The following NOCT variants were observed in gnomAD, a reference collection of about 807,000 sequenced individuals.
NOCT encodes the protein nocturnin, also known as CCR4 carbon catabolite repression 4-like.
A neutral mutation model predicts 35.0 loss-of-function variants in NOCT; 18 were observed. The observed-to-expected ratio is 0.51, with a 90% CI of 0.36 to 0.76. NOCT has a LOEUF of 0.76. Ranked by LOEUF, NOCT falls within the 30% of genes least tolerant of loss-of-function variation. The pLI, the probability that NOCT is intolerant of heterozygous loss-of-function variation, is 0.01. For missense variants in NOCT, 479 were observed against 541.0 expected, an observed-to-expected ratio of 0.89 and a Z score of 1.14; for synonymous variants, 235 against 226.3, an observed-to-expected ratio of 1.04 and a Z score of -0.34.
intron 1 of NOCT, among the ~76,000 whole-genome samples, chr4:139,016,653 T>G (rs1160434521): frequency 9.0e-5 from 11 of 122,172 alleles, no homozygotes; most frequent in South Asian, 2.9e-4. Flanking sequence ...TTTTTTTTTT[T>G]TTTTTTTTTT....
chr4:139,044,400 A>G (rs558868588), intron 2 of NOCT, among the ~76,000 whole-genome samples: 1 of 152,346 alleles, frequency 6.6e-6, no homozygotes, highest in African/African-American at 2.4e-5. Context: ...GTAAGATCTT[A>G]ATATCCTGGA....
chr4:139,041,711 C>T (rs1010510598), intron 1 of NOCT, among the ~76,000 whole-genome samples: 2 of 152,160 alleles, frequency 1.3e-5, no homozygotes, highest in African/African-American at 2.4e-5. Flanking sequence ...GAAATGTGGG[C>T]AACTCATGAG....
In NOCT at chr4:139,044,823, G is replaced by T. The variant is rs138904656; in HGVS notation, c.645G>T (p.Thr215=). 68 of 1,614,164 alleles carry T rather than the reference G, an allele frequency of 4.2e-5. No individual in the cohort carries two copies. Among genetic ancestry groups the T allele is most frequent in the Non-Finnish European group, 5.7e-5 (67 of 1,180,032 alleles). The change falls in exon 3 of 3, where the codon ACG becomes ACT. Residue 215 remains threonine, a synonymous_variant. Coordinates refer to ENST00000280614, the MANE Select transcript of NOCT (RefSeq NM_012118.4). Reference sequence around the variant, plus strand: ...TCAGTAGACTAGGCTATCAAGGCACGTTTTTCCCCAAACCCTGGTCACCTT... The same window carrying T: ...TCAGTAGACTAGGCTATCAAGGCACTTTTTTCCCCAAACCCTGGTCACCTT... ...PLLSRLGYQG[T]FFPKPWSPCL...
chr4:139,022,358 G>A (rs1478664804), intron 1 of NOCT, among the ~76,000 whole-genome samples: 1 of 152,120 alleles, frequency 6.6e-6, no homozygotes. Context: ...TTCAGTGTCA[G>A]GTATGTGGGC....
At chr4:139,029,358 C>G (rs1015385435) in intron 1 of NOCT, among the ~76,000 whole-genome samples, 3 of 152,186 alleles carry the variant, frequency 2.0e-5, no homozygotes, top group Admixed American at 6.5e-5. Context: ...TATTAGTAAA[C>G]AGTGGAGCCA....
chr4:139,017,719 T>A (rs946210942), intron 1 of NOCT, among the ~76,000 whole-genome samples: 2 of 151,470 alleles, frequency 1.3e-5, no homozygotes, highest in Admixed American at 1.3e-4. Flanking sequence ...CACTTGAACC[T>A]GGGAGGCGGA....
At chr4:139,029,331 TA>T (rs1441198425) in intron 1 of NOCT, among the ~76,000 whole-genome samples, 2 of 152,254 alleles carry the variant, frequency 1.3e-5, no homozygotes, top group African/African-American at 2.4e-5. Flanking sequence ...GAGAGGTAAA[TA>T]AGTTATTCAG....
intron 1 of NOCT, among the ~76,000 whole-genome samples, chr4:139,022,436 T>C (rs565799989): frequency 6.6e-6 from 1 of 152,268 alleles, no homozygotes; most frequent in South Asian, 2.1e-4. Context: ...CTTATAACAA[T>C]TTTTTTCTCC....
rs1385831926 is a variant in NOCT at position 139,045,036 on chromosome 4, T to C, written c.858T>C (p.His286=). Residue 286 remains histidine, a synonymous_variant, in exon 3 of 3, where the codon CAT becomes CAC. Transcript: ENST00000280614. The part of the protein sequence containing the change: ...SGRQFCIAVT[H]LKARTGWERF... ...GACAGTTCTGCATCGCTGTTACCCA[T>C]CTAAAAGCACGCACTGGCTGGGAGC... 1.9e-6 allele frequency: 3 copies of C among 1,614,042 alleles called. No homozygotes were observed. Among genetic ancestry groups the C allele is most frequent in the African/African-American group, 2.7e-5 (2 of 74,912 alleles).
At position 139,043,118 on chromosome 4, in the gene NOCT, G is replaced by T; in HGVS notation, c.235G>T (p.Ala79Ser). ...TACAAGCAGACTCTATAGTGCTCTC[G>T]CCAAGACACTGAACAGCAGCGCTGC... ...TGTSRLYSAL[A>S]KTLNSSAASQ... Residue 79 changes from alanine to serine, a missense_variant, in exon 2 of 3, where the codon GCC becomes TCC. Physicochemically the swap from Ala to Ser is moderately conservative, Grantham distance 99. Coordinates refer to ENST00000280614, the MANE Select transcript of NOCT (RefSeq NM_012118.4). The T allele has an allele frequency of 1.9e-6, 3 of 1,613,714 alleles. No homozygotes were observed. Among genetic ancestry groups the T allele is most frequent in the Non-Finnish European group, 2.5e-6 (3 of 1,179,764 alleles).
At chr4:139,019,685 G>A (rs1192405834) in intron 1 of NOCT, among the ~76,000 whole-genome samples, 1 of 152,140 alleles carries the variant, frequency 6.6e-6, no homozygotes, top group Non-Finnish European at 1.5e-5. Context: ...TCCCTTTGGA[G>A]TTATCAGATT....
chr4:139,029,329 A>G (rs1726582038), intron 1 of NOCT, among the ~76,000 whole-genome samples: 1 of 152,262 alleles, frequency 6.6e-6, no homozygotes, highest in Admixed American at 6.5e-5. Flanking sequence ...CAGAGAGGTA[A>G]ATAAGTTATT....
chr4:139,021,479 G>C (rs563598567), intron 1 of NOCT, among the ~76,000 whole-genome samples: 1 of 151,930 alleles, frequency 6.6e-6, no homozygotes, highest in Non-Finnish European at 1.5e-5. Context: ...TGAGCTGGGC[G>C]TGGTGGCACG....
rs576043252 is a variant in NOCT at position 139,041,972 on chromosome 4, A to G, written c.191-1102A>G. Among the ~76,000 whole-genome samples the G allele has an allele frequency of 2.3e-4, 35 of 152,226 alleles. No individual in the cohort carries two copies. In the South Asian group the frequency reaches 4.2e-3, roughly 18 times the overall value. On this transcript the variant is annotated intron_variant, in intron 1 of 2. Transcript: ENST00000280614. ...AGGGATCTGTATAGATGAGATGACC[A>G]GCGTAGCAAGCAGCCTGCTATTACC...
At chr4:139,036,963 C>A (rs188155960) in intron 1 of NOCT, among the ~76,000 whole-genome samples, 1 of 152,138 alleles carries the variant, frequency 6.6e-6, no homozygotes, top group Non-Finnish European at 1.5e-5. Flanking sequence ...CTGTCTAGAA[C>A]GAGGGTGGAT....
intron 1 of NOCT, among the ~76,000 whole-genome samples, chr4:139,026,390 C>A (rs1032127247): frequency 1.3e-5 from 2 of 152,120 alleles, no homozygotes; most frequent in Non-Finnish European, 2.9e-5. Flanking sequence ...CATGAGCCAC[C>A]GCCCCTGGCC....
rs1468506111 is a variant in NOCT, at chr4:139,016,016, T to G, written c.35T>G (p.Leu12Arg). ...FHSPRRLCSALLQRDAPGLRR... is the reference protein window; with the variant it reads ...FHSPRRLCSARLQRDAPGLRR... Reference sequence around the variant, plus strand: ...AGTCCGCGGCGGCTCTGCTCGGCCCTGCTGCAGAGGGACGCGCCCGGCCTG... The same window carrying G: ...AGTCCGCGGCGGCTCTGCTCGGCCCGGCTGCAGAGGGACGCGCCCGGCCTG... The change falls in exon 1 of 3, where the codon CTG becomes CGG. Residue 12 changes from leucine to arginine, a missense_variant. This residue lies in a region of NOCT where 265 missense variants were observed against 257.0 expected (regional missense o/e 1.03). Coordinates refer to ENST00000280614, the MANE Select transcript of NOCT (RefSeq NM_012118.4). 3.6e-6 allele frequency: 5 copies of G among 1,397,302 alleles called. No homozygotes were observed. Among genetic ancestry groups the G allele is most frequent in the Non-Finnish European group, 4.6e-6 (5 of 1,077,156 alleles). 86.6% of individuals were successfully genotyped at this position (1,397,302 alleles called of 1,614,324 possible).
chr4:139,026,054 A>G (rs1726510022), intron 1 of NOCT, among the ~76,000 whole-genome samples: 1 of 152,210 alleles, frequency 6.6e-6, no homozygotes, highest in African/African-American at 2.4e-5. Context: ...ATATATACAA[A>G]TAGACTAGTG....
At chr4:139,033,680 A>T (rs1415344078) in intron 1 of NOCT, among the ~76,000 whole-genome samples, 2 of 144,360 alleles carry the variant, frequency 1.4e-5, no homozygotes, top group Admixed American at 6.8e-5. Context: ...CCTGTCTCCA[A>T]AAAAAAAAAA....
Sources: gnomAD v4.1 joint callset for allele counts (sites outside exome capture counted in the v4.1 genomes callset) on GRCh38, gnomAD v4.1.1 for gene constraint, gnomAD v4.1.1 regional missense constraint, MANE v1.5 for transcripts, NCBI Gene and HGNC (gene_info 2026-07-23, HGNC 2026-07-21) for gene names.